The following PYROXD1 variants were observed in gnomAD, a reference collection of about 807,000 sequenced individuals.
PYROXD1 encodes pyridine nucleotide-disulphide oxidoreductase domain 1.
In PYROXD1, 42 loss-of-function variants were observed where a neutral mutation model predicts 62.0. The observed-to-expected ratio is 0.68, with a 90% CI of 0.53 to 0.88. The LOEUF is 0.88. PYROXD1 is among the 40% of genes least tolerant of loss of function. PYROXD1 has a pLI of 0.00. For missense variants in PYROXD1, 493 were observed against 604.8 expected, an observed-to-expected ratio of 0.82 and a Z score of 1.94; for synonymous variants, 170 against 206.4, an observed-to-expected ratio of 0.82 and a Z score of 1.51.
At chr12:21,445,222 G>A in intron 2 of PYROXD1, 125 bp from the exon 3 acceptor site, 1 of 1,053,092 alleles carries the variant, frequency 9.5e-7, no homozygotes. Context: ...ATATAGTGCA[G>A]TTGGCTAACT....
rs368017481 is a variant in PYROXD1 at position 21,470,350 on chromosome 12, CAAAAAAA to C, written c.*1606_*1612del. On this transcript the variant is annotated 3_prime_UTR_variant, in exon 12 of 12. Coordinates refer to ENST00000240651, the MANE Select transcript of PYROXD1 (RefSeq NM_024854.5). ...GACAAGTTTGAGACGATTCAGCCTA[CAAAAAAA>C]AAAAAAAAACAAAGCAAGCACCTTG... The C allele has an allele frequency of 1.0e-6, 1 of 970,790 alleles. No individual in the cohort carries two copies. Among genetic ancestry groups the C allele is most frequent in the Admixed American group, 5.0e-5 (1 of 20,170 alleles). 60.1% of individuals were successfully genotyped at this position (970,790 alleles called of 1,614,324 possible).
At chr12:21,449,366 TTAAG>T (rs1942449483) in intron 3 of PYROXD1, among the ~76,000 whole-genome samples, 193 bp from the exon 4 acceptor site, 1 of 39,082 alleles carries the variant, frequency 2.6e-5, no homozygotes, top group Admixed American at 2.7e-4. Context: ...TTAAAATGAT[TTAAG>T]AATAACTGGA....
At chr12:21,445,582 G>T (rs1437237535) in intron 3 of PYROXD1, 116 bp downstream of exon 3, 1 of 1,014,750 alleles carries the variant, frequency 9.9e-7, no homozygotes, top group Non-Finnish European at 1.4e-6. Context: ...AACATGTAAA[G>T]TTTAGTGACA....
intron 3 of PYROXD1, among the ~76,000 whole-genome samples, chr12:21,446,350 G>T (rs963453917): frequency 6.6e-6 from 1 of 152,050 alleles, no homozygotes. Flanking sequence ...GCGTGAACCC[G>T]GGAGGCGGAG....
At position 21,469,372 on chromosome 12, in the gene PYROXD1, C is replaced by G. The variant is rs1420220014; in HGVS notation, c.*618C>G. ...TTCTTAAAACATGAGATTTTTCTTG[C>G]AATTTTTTTTTTTTTAAGCTCATCA... On this transcript the variant is annotated 3_prime_UTR_variant, in exon 12 of 12. Transcript: ENST00000240651. 2 of 151,516 alleles carry G rather than the reference C, an allele frequency of 1.3e-5. No homozygotes were observed. The highest frequency in any genetic ancestry group is 2.9e-5 in the Non-Finnish European group (2 of 67,954). 9.4% of individuals were successfully genotyped at this position (151,516 alleles called of 1,614,324 possible).
rs898390419 is a variant in PYROXD1, at chr12:21,460,433, A to AT, written c.751-584dup. ...ATTTATTTATTTATTTTATTTATTT[A>AT]TTTTTTTTGAGACAGAGTCTCGCTC... is the stretch of plus-strand genomic sequence containing the variant. On this transcript the variant is annotated intron_variant, in intron 7 of 11. Coordinates refer to ENST00000240651, the MANE Select transcript of PYROXD1 (RefSeq NM_024854.5). Among the ~76,000 whole-genome samples, 207 of 45,972 alleles carry AT rather than the reference A, an allele frequency of 4.5e-3. 2 individuals are homozygous for AT. Among genetic ancestry groups the AT allele is most frequent in the Middle Eastern group, 0.015 (1 of 66 alleles). The allele number at this position is 45,972 out of a possible 152,430, so 30.2% of individuals were successfully genotyped here.
At chr12:21,467,785 T>G (rs1215547665) in intron 11 of PYROXD1, among the ~76,000 whole-genome samples, 167 bp downstream of exon 11, 1 of 152,016 alleles carries the variant, frequency 6.6e-6, no homozygotes, top group East Asian at 1.9e-4. Context: ...TTGCTAGTCT[T>G]AATCCCTAAT....
intron 3 of PYROXD1, chr12:21,447,998 C>G: frequency 2.8e-6 from 1 of 358,074 alleles, no homozygotes; most frequent in Admixed American, 3.9e-5. Context: ...AAAAAAAACA[C>G]ATGCGTACTT....
At chr12:21,468,420 G>T in intron 11 of PYROXD1, 86 bp from the exon 12 acceptor site, 2 of 1,248,196 alleles carry the variant, frequency 1.6e-6, no homozygotes, top group Non-Finnish European at 2.3e-6. Flanking sequence ...AGTTTTCTGC[G>T]GCTATTCAAA....
chr12:21,460,609 G>T (rs540105552), intron 7 of PYROXD1, among the ~76,000 whole-genome samples: 115 of 152,054 alleles, frequency 7.6e-4, no homozygotes, highest in African/African-American at 2.7e-3. Flanking sequence ...TTTTAGTAGA[G>T]ACAGGGTTTC....
Position 21,468,668 on chromosome 12 carries a change from A to T in PYROXD1, c.1417A>T (p.Asn473Tyr). ...AACCGATTTAGAAGAAACATTTGAA[A>T]ACCTAATCTTAAACCAAATGAATCT... is the stretch of plus-strand genomic sequence containing the variant. ...GETDLEETFE[N>Y]LILNQMNLSS... The change falls in exon 12 of 12, where the codon AAC becomes TAC. Residue 473 changes from asparagine (N) to tyrosine (Y), a missense_variant. Coordinates refer to ENST00000240651, the MANE Select transcript of PYROXD1 (RefSeq NM_024854.5). 6.2e-7 allele frequency: 1 copy of T among 1,612,490 alleles called. No individual in the cohort carries two copies. The highest frequency in any genetic ancestry group is 8.5e-7 in the Non-Finnish European group (1 of 1,179,104).
chr12:21,451,606 G>C (rs555180747), intron 4 of PYROXD1, among the ~76,000 whole-genome samples: 1 of 152,228 alleles, frequency 6.6e-6, no homozygotes, highest in South Asian at 2.1e-4. Flanking sequence ...TAAGCAACTT[G>C]CCCAAAGTCA....
rs775262967 is a variant in PYROXD1 at position 21,462,693 on chromosome 12, C to A, written c.994-47C>A. 7.5e-6 allele frequency: 12 copies of A among 1,594,450 alleles called. No individual in the cohort carries two copies. The South Asian group carries it at 1.3e-4, about 18-fold the overall frequency. On this transcript the variant is annotated intron_variant, in intron 9 of 11. Transcript: ENST00000240651. ...TCTTTTACTTTAAAATGGAAAAAGT[C>A]GTTTCATTTTTCTTAACACTTAACG...
At chr12:21,452,508 G>A (rs1266429521) in intron 5 of PYROXD1, among the ~76,000 whole-genome samples, 1 of 151,998 alleles carries the variant, frequency 6.6e-6, no homozygotes, top group Non-Finnish European at 1.5e-5. Flanking sequence ...GATTTCTAGT[G>A]ATAGCCCTCA....
chr12:21,437,663 C>T lies in PYROXD1; in HGVS notation c.-68C>T. On this transcript the variant is annotated 5_prime_UTR_variant, in exon 1 of 12. Coordinates refer to ENST00000240651, the MANE Select transcript of PYROXD1 (RefSeq NM_024854.5). ...GGAAGTGACCGCCTCGCGGCTGCTT[C>T]CTCTCCTGGAGTCCAGAGTCCCGTT... 2 of 1,500,972 alleles carry T rather than the reference C, an allele frequency of 1.3e-6. No homozygotes were observed. The highest frequency in any genetic ancestry group is 2.3e-5 in the East Asian group (1 of 42,564). The allele number at this position is 1,500,972 out of a possible 1,614,324, so 93.0% of individuals were successfully genotyped here.
intron 7 of PYROXD1, among the ~76,000 whole-genome samples, chr12:21,459,241 C>A (rs1942651768): frequency 6.6e-6 from 1 of 152,096 alleles, no homozygotes; most frequent in Non-Finnish European, 1.5e-5. Flanking sequence ...CAATCACTAG[C>A]AGCCAGTAAT....
intron 8 of PYROXD1, 43 bp from the exon 9 acceptor site, chr12:21,461,965 A>G (rs764792769): frequency 3.3e-6 from 4 of 1,230,330 alleles, no homozygotes; most frequent in Admixed American, 3.5e-5. Flanking sequence ...TGATGGTTCC[A>G]TTTACAAATA....
intron 7 of PYROXD1, among the ~76,000 whole-genome samples, chr12:21,459,312 GCTT>G (rs1173432071): frequency 1.3e-5 from 2 of 152,192 alleles, no homozygotes; most frequent in African/African-American, 4.8e-5. Context: ...GGTTTGGAGA[GCTT>G]CTGGATAGCT....
chr12:21,464,400 C>G (rs1942753779), intron 10 of PYROXD1, among the ~76,000 whole-genome samples: 1 of 151,826 alleles, frequency 6.6e-6, no homozygotes, highest in South Asian at 2.1e-4. Flanking sequence ...AACTGCCTTT[C>G]ACTTCATCAA....
Sources: gnomAD v4.1 joint callset for allele counts (sites outside exome capture counted in the v4.1 genomes callset) on GRCh38, gnomAD v4.1.1 for gene constraint, MANE v1.5 for transcripts, NCBI Gene and HGNC (gene_info 2026-07-23, HGNC 2026-07-21) for gene names.